PTPRA: variants seen among roughly 807,000 people sequenced by gnomAD.
The protein encoded by PTPRA is protein tyrosine phosphatase receptor type A.
A neutral mutation model predicts 104.8 loss-of-function variants in PTPRA; 25 were observed. The observed-to-expected ratio is 0.24, with a 90% CI of 0.17 to 0.33. PTPRA has a LOEUF of 0.33. Among genes scored for constraint, PTPRA ranks in the 10% least tolerant of loss-of-function variants. PTPRA has a pLI of 1.00. For missense variants in PTPRA, 765 were observed against 1,015.3 expected (o/e 0.75, Z 3.35); for synonymous variants, 323 against 368.9 (o/e 0.88, Z 1.43).
intron 20 of PTPRA, among the ~76,000 whole-genome samples, chr20:3,029,135 T>TTTGG (rs61088526): frequency 1.5e-5 from 2 of 131,580 alleles, no homozygotes; most frequent in Non-Finnish European, 3.1e-5. Flanking sequence ...TTTTTTTTGG[T>TTTGG]TTTGTTTGTT....
intron 1 of PTPRA, among the ~76,000 whole-genome samples, chr20:2,905,005 A>G (rs1460598721): frequency 2.0e-5 from 3 of 152,216 alleles, no homozygotes; most frequent in Non-Finnish European, 4.4e-5. Flanking sequence ...GCCACACAGC[A>G]GGATATGAAC....
chr20:3,011,556 G>A (rs1568695673), intron 11 of PTPRA, among the ~76,000 whole-genome samples: 1 of 152,212 alleles, frequency 6.6e-6, no homozygotes, highest in Non-Finnish European at 1.5e-5. Context: ...GGAGAAGAAA[G>A]TTGGGCAGAA....
At chr20:2,907,723 G>A (rs530872399) in intron 1 of PTPRA, among the ~76,000 whole-genome samples, 5 of 152,114 alleles carry the variant, frequency 3.3e-5, no homozygotes, top group East Asian at 3.9e-4. Context: ...ACTTGGCACT[G>A]ACTCCTTGAA....
In PTPRA at chr20:2,910,317, A is replaced by ATATATATTTTATATAT. The variant is rs1568649743; in HGVS notation, c.-128-12889_-128-12874dup. ...TGTATTATATATTTTATATATTATA[A>ATATATATTTTATATAT]TATATATTTTATATATAATATATTT... On this transcript the variant is annotated intron_variant, in intron 1 of 23. Transcript: ENST00000399903. Among the ~76,000 whole-genome samples the ATATATATTTTATATAT allele has an allele frequency of 3.7e-4, 23 of 61,360 alleles. No individual in the cohort carries two copies. In the East Asian group the frequency reaches 0.016, roughly 41 times the overall value. The allele number at this position is 61,360 out of a possible 152,430, so 40.3% of individuals were successfully genotyped here.
chr20:2,921,322 CTTTTTT>C (rs11477373), intron 1 of PTPRA, among the ~76,000 whole-genome samples: 1 of 103,956 alleles, frequency 9.6e-6, no homozygotes, highest in Non-Finnish European at 1.9e-5. Context: ...TGGGAATGCG[CTTTTTT>C]TTTTTTTTTT....
intron 1 of PTPRA, among the ~76,000 whole-genome samples, chr20:2,908,292 C>A (rs1395413453): frequency 1.3e-5 from 2 of 152,182 alleles, no homozygotes; most frequent in Non-Finnish European, 2.9e-5. Flanking sequence ...ACTCCTTGAA[C>A]AACGCAGTTT....
intron 6 of PTPRA, among the ~76,000 whole-genome samples, chr20:2,977,083 C>T (rs1319126820): frequency 6.6e-6 from 1 of 152,072 alleles, no homozygotes; most frequent in African/African-American, 2.4e-5. Context: ...CAAGACCAGC[C>T]TGACCAATAT....
At chr20:2,959,671 G>A (rs1033718418) in intron 3 of PTPRA, among the ~76,000 whole-genome samples, 5 of 152,102 alleles carry the variant, frequency 3.3e-5, no homozygotes, top group South Asian at 4.1e-4. Flanking sequence ...GGAGAGTTCC[G>A]GCCAGGCGCG....
At chr20:3,026,661 T>G in intron 17 of PTPRA, 26 bp from the exon 18 acceptor site, 6 of 1,554,772 alleles carry the variant, frequency 3.9e-6, no homozygotes, top group Non-Finnish European at 4.4e-6. Flanking sequence ...GGATCAGTAA[T>G]GTTTCCCCTC....
intron 1 of PTPRA, among the ~76,000 whole-genome samples, chr20:2,919,166 A>C (rs533303594): frequency 6.6e-6 from 1 of 152,310 alleles, no homozygotes; most frequent in Non-Finnish European, 1.5e-5. Context: ...ATTTCCAAGC[A>C]GAAAAAGTAC....
intron 6 of PTPRA, among the ~76,000 whole-genome samples, chr20:2,980,550 G>A (rs1037885299): frequency 2.0e-5 from 3 of 151,016 alleles, no homozygotes; most frequent in Admixed American, 2.0e-4. Context: ...ACTCCGTCTC[G>A]AGAAAAGAAA....
In PTPRA at chr20:2,987,956, G is replaced by T; in HGVS notation, c.528-76G>T. 3 of 1,307,698 alleles carry T rather than the reference G, an allele frequency of 2.3e-6. No homozygotes were observed. The South Asian group carries it at 3.5e-5, about 15-fold the overall frequency. 81.0% of individuals were successfully genotyped at this position (1,307,698 alleles called of 1,614,324 possible). ...GGCGATTTAGAAAGGCTGAATTGAT[G>T]AGCAGGAATACAGAGGTGTGATTTG... On this transcript the variant is annotated intron_variant, in intron 7 of 23. Coordinates refer to ENST00000399903, the MANE Select transcript of PTPRA (RefSeq NM_001385305.1).
chr20:2,948,676 G>T (rs1250148056), intron 3 of PTPRA, among the ~76,000 whole-genome samples: 1 of 152,136 alleles, frequency 6.6e-6, no homozygotes, highest in Non-Finnish European at 1.5e-5. Context: ...AAACCACCAG[G>T]CACGGTGGCT....
chr20:2,943,842 A>G (rs544116923), intron 2 of PTPRA, among the ~76,000 whole-genome samples: 2 of 152,306 alleles, frequency 1.3e-5, no homozygotes, highest in Non-Finnish European at 2.9e-5. Flanking sequence ...AAAGTTTAAG[A>G]AAAAGTTAAT....
intron 19 of PTPRA, 21 bp from the exon 20 acceptor site, chr20:3,027,686 C>A (rs753970165): frequency 1.2e-6 from 2 of 1,611,788 alleles, no homozygotes; most frequent in Non-Finnish European, 1.7e-6. Context: ...CTCACCCTTG[C>A]AATTAACCTG....
intron 1 of PTPRA, among the ~76,000 whole-genome samples, chr20:2,879,667 A>G (rs1339882259): frequency 6.6e-6 from 1 of 152,186 alleles, no homozygotes; most frequent in Non-Finnish European, 1.5e-5. Context: ...GAGAGACTGC[A>G]TATGCCACAG....
At chr20:2,932,229 T>G (rs1267883563) in intron 2 of PTPRA, among the ~76,000 whole-genome samples, 3 of 152,152 alleles carry the variant, frequency 2.0e-5, no homozygotes, top group Non-Finnish European at 2.9e-5. Context: ...ATCAGGAGGT[T>G]ATTTGTAGAT....
At chr20:2,878,719 C>G (rs1428770025) in intron 1 of PTPRA, among the ~76,000 whole-genome samples, 1 of 152,212 alleles carries the variant, frequency 6.6e-6, no homozygotes, top group Non-Finnish European at 1.5e-5. Context: ...CCAGCACTAT[C>G]AGCAATTTAT....
intron 20 of PTPRA, among the ~76,000 whole-genome samples, chr20:3,034,809 T>G (rs1251847254): frequency 2.0e-5 from 3 of 152,206 alleles, no homozygotes; most frequent in African/African-American, 4.8e-5. Context: ...TAGTGAAGAA[T>G]CTCAGATCTT....
Sources: allele counts gnomAD v4.1 joint callset (sites outside exome capture counted in the v4.1 genomes callset), GRCh38; gene constraint gnomAD v4.1.1; transcripts MANE v1.5; gene names NCBI Gene and HGNC (gene_info 2026-07-23, HGNC 2026-07-21).